CNTN4: variants seen among roughly 807,000 people sequenced by gnomAD.
CNTN4 encodes the protein contactin 4.
A neutral mutation model predicts 122.5 loss-of-function variants in CNTN4; 77 were observed. The ratio of observed to expected loss-of-function variants is 0.63; its 90% CI spans 0.52 to 0.76. The LOEUF is 0.76. Ranked by LOEUF, CNTN4 falls within the 30% of genes least tolerant of loss-of-function variation. The pLI is 0.00. For synonymous variants in CNTN4, 512 were observed against 447.0 expected (o/e 1.15, Z -1.83); for missense variants, 1,256 against 1,259.1 (o/e 1.00, Z 0.04).
At chr3:2,189,400 G>C (rs2037421867) in intron 2 of CNTN4, among the ~76,000 whole-genome samples, 1 of 152,174 alleles carries the variant, frequency 6.6e-6, no homozygotes, top group African/African-American at 2.4e-5. Context: ...GAAGAACTCA[G>C]CAGATCTCTC....
intron 2 of CNTN4, among the ~76,000 whole-genome samples, chr3:2,232,497 A>G (rs1393123584): frequency 6.6e-6 from 1 of 152,070 alleles, no homozygotes; most frequent in African/African-American, 2.4e-5. Context: ...GCCTTATCTC[A>G]TTTTATCTTT....
chr3:2,117,969 T>G (rs2033475294), intron 2 of CNTN4, among the ~76,000 whole-genome samples: 1 of 151,928 alleles, frequency 6.6e-6, no homozygotes, highest in Non-Finnish European at 1.5e-5. Flanking sequence ...TTTTTTCTGA[T>G]TATAATAAAA....
intron 4 of CNTN4, among the ~76,000 whole-genome samples, chr3:2,734,492 G>A (rs950671283): frequency 2.0e-5 from 3 of 152,154 alleles, no homozygotes; most frequent in Non-Finnish European, 4.4e-5. Flanking sequence ...TTGACCCAAG[G>A]CATTGAAACT....
At chr3:2,506,388 T>C (rs2076731976) in intron 3 of CNTN4, among the ~76,000 whole-genome samples, 2 of 152,228 alleles carry the variant, frequency 1.3e-5, no homozygotes, top group South Asian at 4.1e-4. Flanking sequence ...CCTTAGTGGA[T>C]GCTGAGAACT....
chr3:3,015,868 G>A lies in CNTN4; in HGVS notation c.1487-10234G>A, dbSNP rs532003126. Among the ~76,000 whole-genome samples, 20 of 152,260 alleles carry A rather than the reference G, an allele frequency of 1.3e-4. 1 individual carries two copies. Among genetic ancestry groups the A allele is most frequent in the Admixed American group, 9.2e-4 (14 of 15,278 alleles). On this transcript the variant is annotated intron_variant, in intron 14 of 24. Coordinates refer to ENST00000418658, the MANE Select transcript of CNTN4 (RefSeq NM_175607.3). ...TACTTTTTATCAGTAGATGCAGCCC[G>A]ATGCCCAGCAGATGCAATCACACAT...
At chr3:2,175,591 T>TG (rs1242562194) in intron 2 of CNTN4, among the ~76,000 whole-genome samples, 2 of 152,318 alleles carry the variant, frequency 1.3e-5, no homozygotes, top group Admixed American at 1.3e-4. Flanking sequence ...AGACAGAGGC[T>TG]TCTTCAATGC....
chr3:2,400,451 C>A (rs11129125), intron 3 of CNTN4, among the ~76,000 whole-genome samples: 17,472 of 104,538 alleles, frequency 0.17, 1,718 homozygotes, highest in Middle Eastern at 0.28. Flanking sequence ...ATATATATAT[C>A]TCTTTTTTTC....
At chr3:2,998,548 G>A (rs150644241) in intron 14 of CNTN4, among the ~76,000 whole-genome samples, 3 of 152,140 alleles carry the variant, frequency 2.0e-5, no homozygotes, top group East Asian at 3.9e-4. Flanking sequence ...ACAGAGCTGT[G>A]TTCAAAGTAC....
At chr3:2,168,298 A>G (rs2036291565) in intron 2 of CNTN4, among the ~76,000 whole-genome samples, 1 of 152,240 alleles carries the variant, frequency 6.6e-6, no homozygotes. Context: ...CAATAAAATT[A>G]TAAATTAGCA....
At chr3:2,687,549 G>C (rs192534049) in intron 4 of CNTN4, among the ~76,000 whole-genome samples, 14 of 152,228 alleles carry the variant, frequency 9.2e-5, no homozygotes, top group African/African-American at 3.1e-4. Flanking sequence ...TGTAGTCCCA[G>C]CTACTTGGGA....
chr3:2,137,565 T>A (rs953390468), intron 2 of CNTN4, among the ~76,000 whole-genome samples: 42 of 152,142 alleles, frequency 2.8e-4, no homozygotes, highest in African/African-American at 1.0e-3. Context: ...CTTGCTTAAG[T>A]TATATTTGTG....
intron 3 of CNTN4, among the ~76,000 whole-genome samples, chr3:2,534,336 T>C (rs542376813): frequency 1.3e-5 from 2 of 152,340 alleles, no homozygotes; most frequent in Non-Finnish European, 1.5e-5. Context: ...CTAGCCAGTT[T>C]TCCCAGCACC....
At chr3:2,634,367 A>G (rs1287225228) in intron 4 of CNTN4, among the ~76,000 whole-genome samples, 3 of 152,338 alleles carry the variant, frequency 2.0e-5, no homozygotes, top group East Asian at 1.9e-4. Flanking sequence ...TTTGTTTAAT[A>G]TAGCAAATAA....
In CNTN4 at chr3:2,597,088, G is replaced by T. The variant is rs577638719; in HGVS notation, c.55+25530G>T. Among the ~76,000 whole-genome samples the T allele has an allele frequency of 5.3e-5, 8 of 152,188 alleles. No homozygotes were observed. In the South Asian group the frequency reaches 1.7e-3, roughly 32 times the overall value. ...TAGTGGGAAGGGGTTGTAAGACCAG[G>T]TCACCCAAACTTAGTTTGCAAATGC... On this transcript the variant is annotated intron_variant, in intron 4 of 24. Coordinates refer to ENST00000418658, the MANE Select transcript of CNTN4 (RefSeq NM_175607.3).
In CNTN4 at chr3:2,900,747, T is replaced by C. The variant is rs767236976; in HGVS notation, c.1003T>C (p.Trp335Arg). Reference protein sequence around the residue: ...IHVAMEENVFWECKANGRPKP... With the variant: ...IHVAMEENVFRECKANGRPKP... ...CGTGGCCATGGAAGAAAATGTCTTTTGGGAATGTAAAGCAAATGGAAGGCC... is the reference window on the plus strand; with the variant it reads ...CGTGGCCATGGAAGAAAATGTCTTTCGGGAATGTAAAGCAAATGGAAGGCC... The change falls in exon 11 of 25, where the codon TGG (tryptophan) becomes CGG (arginine). Residue 335 changes from tryptophan (W) to arginine (R), a missense_variant. Transcript: ENST00000418658. The C allele has an allele frequency of 1.2e-6, 2 of 1,613,972 alleles. No individual in the cohort carries two copies. Among genetic ancestry groups the C allele is most frequent in the Non-Finnish European group, 1.7e-6 (2 of 1,179,840 alleles).
At chr3:2,684,043 G>A (rs2150517517) in intron 4 of CNTN4, among the ~76,000 whole-genome samples, 1 of 152,260 alleles carries the variant, frequency 6.6e-6, no homozygotes, top group East Asian at 1.9e-4. Context: ...ATTAGGAATA[G>A]TGGAGGGGAA....
chr3:2,696,519 C>G (rs1219873499), intron 4 of CNTN4, among the ~76,000 whole-genome samples: 1 of 152,190 alleles, frequency 6.6e-6, no homozygotes, highest in Non-Finnish European at 1.5e-5. Context: ...CCTCAAGGCA[C>G]CATCTTGGAA....
chr3:2,438,208 A>C (rs1056730785), intron 3 of CNTN4, among the ~76,000 whole-genome samples: 1 of 152,016 alleles, frequency 6.6e-6, no homozygotes, highest in Non-Finnish European at 1.5e-5. Flanking sequence ...AATTTTCAGG[A>C]TATTCCTTTA....
chr3:2,268,622 T>A (rs1348288985), intron 2 of CNTN4, among the ~76,000 whole-genome samples: 1 of 152,178 alleles, frequency 6.6e-6, no homozygotes, highest in African/African-American at 2.4e-5. Flanking sequence ...GTTAATGTGA[T>A]ATATCTCTAT....
Sources: gnomAD v4.1 joint callset for allele counts (sites outside exome capture counted in the v4.1 genomes callset) on GRCh38, gnomAD v4.1.1 for gene constraint, MANE v1.5 for transcripts, NCBI Gene and HGNC (gene_info 2026-07-23, HGNC 2026-07-21) for gene names.